Variants in KCNT2 observed in about 807,000 individuals in gnomAD.
The protein encoded by KCNT2 is potassium channel subfamily T member 2.
Under a neutral mutation model 153.8 loss-of-function variants are expected in KCNT2, and 67 were observed. That is an observed-to-expected ratio of 0.44 (90% confidence interval 0.36 to 0.53). The LOEUF (loss-of-function observed/expected upper bound fraction) is 0.53, where lower values mean the gene tolerates loss of function less well. Ranked by LOEUF, KCNT2 falls within the 20% of genes least tolerant of loss-of-function variation. The probability of loss-of-function intolerance (pLI) is 0.00; values close to 1 mark genes in which losing one functional copy is unlikely to be tolerated. For missense variants in KCNT2, 975 were observed against 1,354.8 expected, an observed-to-expected ratio of 0.72 and a Z score of 4.40; for synonymous variants, 500 against 458.8, an observed-to-expected ratio of 1.09 and a Z score of -1.15.
chr1:196,327,161 A>G (rs1252870213), intron 18 of KCNT2, among the ~76,000 whole-genome samples: 3 of 152,106 alleles, frequency 2.0e-5, no homozygotes, highest in South Asian at 2.1e-4. Context: ...ATTGTAAACT[A>G]AAGTTTGCTG....
At chr1:196,491,543 A>T (rs1006128969) in intron 2 of KCNT2, among the ~76,000 whole-genome samples, 8 of 151,774 alleles carry the variant, frequency 5.3e-5, no homozygotes, top group Admixed American at 4.6e-4. Context: ...CAATGACCAT[A>T]AAAAAAATTG....
At chr1:196,561,041 A>G (rs1259493788) in intron 1 of KCNT2, among the ~76,000 whole-genome samples, 3 of 151,854 alleles carry the variant, frequency 2.0e-5, no homozygotes, top group Admixed American at 1.3e-4. Context: ...TTAGTTTTGT[A>G]TTATAAAATA....
At chr1:196,449,783 G>C (rs903288663) in intron 8 of KCNT2, among the ~76,000 whole-genome samples, 9 of 151,450 alleles carry the variant, frequency 5.9e-5, no homozygotes, top group Admixed American at 5.9e-4. Context: ...ACAATTTCAG[G>C]AGGTGGGTAA....
chr1:196,416,373 C>G (rs187490826), intron 12 of KCNT2, among the ~76,000 whole-genome samples: 2 of 151,774 alleles, frequency 1.3e-5, no homozygotes, highest in African/African-American at 4.8e-5. Flanking sequence ...ATAGTAAGAC[C>G]GAATACTCTA....
intron 22 of KCNT2, among the ~76,000 whole-genome samples, chr1:196,290,879 A>G (rs140376748): frequency 2.0e-4 from 30 of 152,174 alleles, no homozygotes; most frequent in African/African-American, 7.0e-4. Context: ...CAATTTCATA[A>G]AAGTACAAGT....
intron 13 of KCNT2, among the ~76,000 whole-genome samples, chr1:196,384,676 C>T (rs1299642408): frequency 3.1e-5 from 4 of 130,932 alleles, no homozygotes; most frequent in African/African-American, 1.2e-4. Flanking sequence ...CTCCAGCCTG[C>T]AGCCTGGGTG....
intron 3 of KCNT2, among the ~76,000 whole-genome samples, chr1:196,489,167 A>G (rs752199921): frequency 1.3e-5 from 2 of 151,990 alleles, no homozygotes; most frequent in Non-Finnish European, 2.9e-5. Flanking sequence ...GCAGTTCAGC[A>G]TAGCTGGAGT....
intron 1 of KCNT2, among the ~76,000 whole-genome samples, chr1:196,518,463 G>C (rs767055863): frequency 1.6e-5 from 2 of 125,218 alleles, no homozygotes; most frequent in Non-Finnish European, 1.6e-5. Context: ...AAAGTACAAA[G>C]TGGCAAGCTG....
intron 1 of KCNT2, among the ~76,000 whole-genome samples, chr1:196,514,636 A>G (rs1212620845): frequency 6.6e-6 from 1 of 152,232 alleles, no homozygotes; most frequent in Non-Finnish European, 1.5e-5. Flanking sequence ...AAACTTACAT[A>G]TTTAAATGTG....
intron 1 of KCNT2, among the ~76,000 whole-genome samples, chr1:196,524,825 TC>T (rs1653962807): frequency 6.6e-6 from 1 of 152,206 alleles, no homozygotes; most frequent in Non-Finnish European, 1.5e-5. Flanking sequence ...AATAGGAAAG[TC>T]AATCAATTTA....
chr1:196,554,259 C>T (rs1363116684), intron 1 of KCNT2, among the ~76,000 whole-genome samples: 1 of 150,488 alleles, frequency 6.6e-6, no homozygotes, highest in African/African-American at 2.4e-5. Context: ...TTGACAAGTG[C>T]CAAACCAACT....
chr1:196,471,543 T>C (rs2148675597), intron 5 of KCNT2, among the ~76,000 whole-genome samples: 1 of 152,292 alleles, frequency 6.6e-6, no homozygotes, highest in South Asian at 2.1e-4. Context: ...TTTACATTTT[T>C]TTTTGGTATC....
intron 26 of KCNT2, among the ~76,000 whole-genome samples, chr1:196,239,966 C>T (rs1196682878): frequency 6.6e-6 from 1 of 152,012 alleles, no homozygotes; most frequent in African/African-American, 2.4e-5. Flanking sequence ...AGCCATCTGT[C>T]AGCAAACATG....
At chr1:196,251,928 T>C (rs1415665030) in intron 26 of KCNT2, among the ~76,000 whole-genome samples, 1 of 151,826 alleles carries the variant, frequency 6.6e-6, no homozygotes, top group African/African-American at 2.4e-5. Context: ...ATATTTTTCC[T>C]TTTAACCAAT....
chr1:196,469,874 A>G (rs151143295), intron 5 of KCNT2, among the ~76,000 whole-genome samples: 2 of 152,212 alleles, frequency 1.3e-5, no homozygotes, highest in African/African-American at 4.8e-5. Context: ...AGATCTATGT[A>G]TTAGAAAGGC....
chr1:196,311,277 C>T (rs1037203463), intron 21 of KCNT2, among the ~76,000 whole-genome samples: 1 of 151,816 alleles, frequency 6.6e-6, no homozygotes, highest in Non-Finnish European at 1.5e-5. Context: ...TTGTTCATCA[C>T]TGCAGCCACA....
intron 12 of KCNT2, among the ~76,000 whole-genome samples, chr1:196,411,705 T>C (rs1353085221): frequency 6.6e-6 from 1 of 151,800 alleles, no homozygotes; most frequent in Non-Finnish European, 1.5e-5. Flanking sequence ...GGAATGCAAA[T>C]ACTTTTACTA....
chr1:196,302,888 CTATT>C (rs1405858103), intron 22 of KCNT2, among the ~76,000 whole-genome samples: 1 of 151,956 alleles, frequency 6.6e-6, no homozygotes, highest in Admixed American at 6.6e-5. Flanking sequence ...AACATTCAAA[CTATT>C]TATTTTAATC....
intron 3 of KCNT2, among the ~76,000 whole-genome samples, chr1:196,488,815 G>A (rs895012478): frequency 6.6e-6 from 1 of 151,934 alleles, no homozygotes; most frequent in African/African-American, 2.4e-5. Context: ...AGCTATGGAG[G>A]AAAACACAGC....
Sources: gnomAD v4.1 joint callset for allele counts (sites outside exome capture counted in the v4.1 genomes callset) on GRCh38, gnomAD v4.1.1 for gene constraint, MANE v1.5 for transcripts, NCBI Gene and HGNC (gene_info 2026-07-23, HGNC 2026-07-21) for gene names.